CAMTA1: variants seen among roughly 807,000 people sequenced by gnomAD.
CAMTA1 encodes the protein calmodulin binding transcription activator 1.
CAMTA1 carries 27 observed loss-of-function variants against 170.9 expected under a neutral mutation model. The ratio of observed to expected loss-of-function variants is 0.16; its 90% CI spans 0.12 to 0.22. The LOEUF (loss-of-function observed/expected upper bound fraction) is 0.22, where lower values mean the gene tolerates loss of function less well. Among genes scored for constraint, CAMTA1 ranks in the 10% least tolerant of loss-of-function variants. The pLI is 1.00. For synonymous variants in CAMTA1, 833 were observed against 891.5 expected (o/e 0.93, Z 1.17); for missense variants, 1,619 against 2,217.2 (o/e 0.73, Z 5.42).
chr1:7,553,360 G>A (rs1308173030), intron 6 of CAMTA1, among the ~76,000 whole-genome samples: 1 of 151,874 alleles, frequency 6.6e-6, no homozygotes, highest in East Asian at 1.9e-4. Context: ...GGAGAGCTGT[G>A]CAGAAATCTG....
At position 7,664,647 on chromosome 1, in the gene CAMTA1, G is replaced by C. The variant is rs1275352229; in HGVS notation, c.2100G>C (p.Gly700=). ...TGGAGACCTCGCAGGCGGCGGAAGG[G>C]AGCGAGGTCCTGCTCAAGTCTGGGG... is the stretch of plus-strand genomic sequence containing the variant. The part of the protein sequence containing the change: ...VTMETSQAAE[G]SEVLLKSGEL... Residue 700 remains glycine (G), a synonymous_variant, in exon 9 of 23, where the codon GGG becomes GGC. Transcript: ENST00000303635. 12 of 1,606,616 alleles carry C rather than the reference G, an allele frequency of 7.5e-6. No homozygotes were observed. The Admixed American group carries it at 2.0e-4, about 27-fold the overall frequency.
At chr1:6,848,738 T>C (rs1039089403) in intron 3 of CAMTA1, among the ~76,000 whole-genome samples, 1 of 152,158 alleles carries the variant, frequency 6.6e-6, no homozygotes, top group Non-Finnish European at 1.5e-5. Flanking sequence ...TGACAGATGA[T>C]AGATTAGCAA....
chr1:7,492,650 C>G (rs1264951256), intron 6 of CAMTA1, among the ~76,000 whole-genome samples: 1 of 124,556 alleles, frequency 8.0e-6, no homozygotes, highest in African/African-American at 3.7e-5. Context: ...CATACAATCA[C>G]ACAAACACAA....
intron 3 of CAMTA1, among the ~76,000 whole-genome samples, chr1:7,038,028 G>A (rs79386161): frequency 0.022 from 3,376 of 151,928 alleles, 45 homozygotes; most frequent in Middle Eastern, 0.037. Flanking sequence ...AACCTCTCGA[G>A]GCCTCAGTTT....
At chr1:7,102,934 G>A (rs549505041) in intron 4 of CAMTA1, among the ~76,000 whole-genome samples, 166 of 152,258 alleles carry the variant, frequency 1.1e-3, no homozygotes, top group Admixed American at 2.2e-3. Context: ...AATACCTTCC[G>A]ACTGCTTCCT....
chr1:6,788,930 C>T (rs1640219631), intron 1 of CAMTA1, among the ~76,000 whole-genome samples: 1 of 152,196 alleles, frequency 6.6e-6, no homozygotes, highest in Non-Finnish European at 1.5e-5. Flanking sequence ...TGCAGTTGGG[C>T]AGACTAGACG....
At chr1:7,689,785 C>A (rs1240442665) in intron 11 of CAMTA1, among the ~76,000 whole-genome samples, 1 of 152,168 alleles carries the variant, frequency 6.6e-6, no homozygotes, top group Non-Finnish European at 1.5e-5. Context: ...ATGCTCTCCT[C>A]CCTCTGTCTG....
chr1:6,851,711 T>A (rs1660417228), intron 3 of CAMTA1, among the ~76,000 whole-genome samples: 1 of 152,064 alleles, frequency 6.6e-6, no homozygotes, highest in African/African-American at 2.4e-5. Flanking sequence ...AAACCCCATC[T>A]CTACTAAAAA....
At chr1:7,488,113 T>C (rs540845535) in intron 6 of CAMTA1, among the ~76,000 whole-genome samples, 2 of 152,288 alleles carry the variant, frequency 1.3e-5, no homozygotes, top group Admixed American at 6.5e-5. Context: ...CTCTCTAGAA[T>C]CTCTCTAAAA....
intron 1 of CAMTA1, among the ~76,000 whole-genome samples, chr1:6,817,931 A>C (rs1258753058): frequency 6.6e-6 from 1 of 152,196 alleles, no homozygotes; most frequent in East Asian, 1.9e-4. Context: ...GAAAGACTTT[A>C]TTTATATGGA....
intron 5 of CAMTA1, among the ~76,000 whole-genome samples, chr1:7,336,897 A>C (rs1217071089): frequency 6.6e-6 from 1 of 152,172 alleles, no homozygotes; most frequent in Non-Finnish European, 1.5e-5. Flanking sequence ...CATGTGTGCC[A>C]AGGAACTCAA....
intron 4 of CAMTA1, among the ~76,000 whole-genome samples, chr1:7,098,907 C>A (rs1279154099): frequency 1.3e-5 from 2 of 152,116 alleles, no homozygotes; most frequent in Non-Finnish European, 2.9e-5. Context: ...CTCCATCCCA[C>A]CCCTCCTCAC....
chr1:6,839,369 G>A (rs763313139), intron 3 of CAMTA1, among the ~76,000 whole-genome samples: 3 of 151,876 alleles, frequency 2.0e-5, no homozygotes, highest in South Asian at 4.2e-4. Context: ...GCGACAGAGC[G>A]AGACTCTCTT....
intron 6 of CAMTA1, among the ~76,000 whole-genome samples, chr1:7,560,441 G>A (rs1444709519): frequency 6.6e-6 from 1 of 152,056 alleles, no homozygotes; most frequent in African/African-American, 2.4e-5. Flanking sequence ...AACATGAGAT[G>A]TTTCTGTCCT....
intron 3 of CAMTA1, among the ~76,000 whole-genome samples, chr1:6,907,895 C>A (rs1195140591): frequency 6.6e-6 from 1 of 152,246 alleles, no homozygotes. Flanking sequence ...GTCATTCCTG[C>A]CTGCCCATCA....
intron 4 of CAMTA1, among the ~76,000 whole-genome samples, chr1:7,247,675 G>A (rs1231890104): frequency 6.6e-6 from 1 of 152,170 alleles, no homozygotes; most frequent in African/African-American, 2.4e-5. Context: ...TCCTTAGGAA[G>A]TGGTCCTAAG....
intron 5 of CAMTA1, among the ~76,000 whole-genome samples, chr1:7,334,212 G>A (rs2083209506): frequency 6.6e-6 from 1 of 152,174 alleles, no homozygotes; most frequent in Non-Finnish European, 1.5e-5. Context: ...TTCCAGAATT[G>A]TCCTTTTGGA....
intron 5 of CAMTA1, among the ~76,000 whole-genome samples, chr1:7,331,025 A>G (rs2149742056): frequency 6.6e-6 from 1 of 152,236 alleles, no homozygotes; most frequent in East Asian, 1.9e-4. Flanking sequence ...GGATCACCTG[A>G]GGTCAGGAGT....
chr1:7,040,383 G>A (rs556769981), intron 3 of CAMTA1, among the ~76,000 whole-genome samples: 4 of 152,156 alleles, frequency 2.6e-5, no homozygotes, highest in Non-Finnish European at 5.9e-5. Flanking sequence ...GGCTTTACGT[G>A]ACGGACTGTA....
Sources: gnomAD v4.1 joint callset for allele counts (sites outside exome capture counted in the v4.1 genomes callset) on GRCh38, gnomAD v4.1.1 for gene constraint, MANE v1.5 for transcripts, NCBI Gene and HGNC (gene_info 2026-07-23, HGNC 2026-07-21) for gene names.